Variants in SUPT3H observed in about 807,000 individuals in gnomAD.
SUPT3H encodes the protein SPT3 homolog, SAGA and STAGA complex component.
A neutral mutation model predicts 44.3 loss-of-function variants in SUPT3H; 44 were observed. The ratio of observed to expected loss-of-function variants is 0.99; its 90% confidence interval spans 0.78 to 1.28. SUPT3H has a LOEUF of 1.28. Ranked by LOEUF, SUPT3H falls within the 50% of genes most tolerant of loss-of-function variation. SUPT3H has a pLI of 0.00. For synonymous variants in SUPT3H, 124 were observed against 125.6 expected, an observed-to-expected ratio of 0.99 and a Z score of 0.09; for missense variants, 380 against 387.1, an observed-to-expected ratio of 0.98 and a Z score of 0.15.
At chr6:45,150,195 A>G (rs755660005) in intron 2 of SUPT3H, among the ~76,000 whole-genome samples, 3 of 152,172 alleles carry the variant, frequency 2.0e-5, no homozygotes, top group Non-Finnish European at 2.9e-5. Context: ...ATTAGGATAT[A>G]AGAAAATTAT....
chr6:44,820,060 CA>C (rs1337967663), intron 11 of SUPT3H, among the ~76,000 whole-genome samples: 3 of 150,386 alleles, frequency 2.0e-5, no homozygotes, highest in Non-Finnish European at 4.4e-5. Context: ...CTGTCTCTAC[CA>C]AAAAAATATT....
chr6:45,344,009 T>A (rs1790349551), intron 2 of SUPT3H, among the ~76,000 whole-genome samples: 1 of 152,152 alleles, frequency 6.6e-6, no homozygotes, highest in Admixed American at 6.5e-5. Flanking sequence ...TATTCCTGTC[T>A]TTTTTCCTCT....
chr6:44,848,242 T>C (rs1380337616), intron 10 of SUPT3H, among the ~76,000 whole-genome samples: 2 of 152,086 alleles, frequency 1.3e-5, no homozygotes, highest in Non-Finnish European at 2.9e-5. Context: ...AGTGCTAGGA[T>C]TACAGGAGTG....
At chr6:44,987,949 A>T (rs536781717) in intron 6 of SUPT3H, among the ~76,000 whole-genome samples, 1 of 152,216 alleles carries the variant, frequency 6.6e-6, no homozygotes, top group East Asian at 1.9e-4. Flanking sequence ...ACACTAGGGA[A>T]TGTTCTAGGA....
intron 2 of SUPT3H, among the ~76,000 whole-genome samples, chr6:45,275,680 C>G (rs1776900917): frequency 6.6e-6 from 1 of 152,020 alleles, no homozygotes; most frequent in Non-Finnish European, 1.5e-5. Context: ...CATAGCATTT[C>G]CTAGTTCTCA....
chr6:45,008,191 C>A lies in SUPT3H; in HGVS notation c.365-4399G>T, dbSNP rs373214720. Among the ~76,000 whole-genome samples the A allele has an allele frequency of 1.1e-3, 171 of 152,206 alleles. 4 individuals carry two copies. The South Asian group carries it at 0.033, about 30-fold the overall frequency. On this transcript the variant is annotated intron_variant, in intron 5 of 10. Transcript: ENST00000371459. Reference sequence around the variant, plus strand: ...TATTTTCATTTATCTTATTCCACTTCTTTTGCTAGGAATGGAATTTCTGGT... The same window carrying A: ...TATTTTCATTTATCTTATTCCACTTATTTTGCTAGGAATGGAATTTCTGGT...
At chr6:44,869,725 T>C (rs1212166174) in intron 10 of SUPT3H, among the ~76,000 whole-genome samples, 1 of 152,160 alleles carries the variant, frequency 6.6e-6, no homozygotes, top group Non-Finnish European at 1.5e-5. Context: ...CCGGAAGATA[T>C]AGCATAATTA....
At chr6:44,878,330 C>T (rs578012491) in intron 10 of SUPT3H, among the ~76,000 whole-genome samples, 3 of 152,180 alleles carry the variant, frequency 2.0e-5, no homozygotes, top group Admixed American at 6.5e-5. Context: ...GTATTTGTAA[C>T]GTTTAATGGA....
intron 2 of SUPT3H, among the ~76,000 whole-genome samples, chr6:45,152,920 C>G (rs991010178): frequency 1.3e-5 from 2 of 152,146 alleles, no homozygotes; most frequent in African/African-American, 4.8e-5. Context: ...CTTCTTTGCC[C>G]TCATCTATAT....
intron 10 of SUPT3H, among the ~76,000 whole-genome samples, chr6:44,878,331 G>A (rs1038376726): frequency 2.0e-5 from 3 of 152,128 alleles, no homozygotes; most frequent in Non-Finnish European, 2.9e-5. Context: ...TATTTGTAAC[G>A]TTTAATGGAA....
intron 2 of SUPT3H, among the ~76,000 whole-genome samples, chr6:45,266,391 C>T (rs1775272345): frequency 6.6e-6 from 1 of 151,758 alleles, no homozygotes; most frequent in African/African-American, 2.4e-5. Context: ...TGATACTTAA[C>T]CTCAAACAAC....
At chr6:44,988,420 T>C (rs904657998) in intron 6 of SUPT3H, among the ~76,000 whole-genome samples, 4 of 150,226 alleles carry the variant, frequency 2.7e-5, no homozygotes, top group African/African-American at 7.3e-5. Context: ...CACCCAGCCA[T>C]TTGGAAAATA....
At chr6:45,079,434 G>A (rs150164211) in intron 3 of SUPT3H, among the ~76,000 whole-genome samples, 1 of 91,970 alleles carries the variant, frequency 1.1e-5, no homozygotes, top group African/African-American at 3.1e-5. Context: ...GGGGGAAGAG[G>A]AGGAAGAAGA....
chr6:44,825,787 T>A (rs1190453501), downstream of SUPT3H, among the ~76,000 whole-genome samples: 1 of 152,174 alleles, frequency 6.6e-6, no homozygotes, highest in Non-Finnish European at 1.5e-5. Flanking sequence ...CCTTGCCTCC[T>A]TCTTTTTTTC....
intron 2 of SUPT3H, among the ~76,000 whole-genome samples, chr6:45,238,465 T>C (rs1185929626): frequency 6.6e-6 from 1 of 152,162 alleles, no homozygotes; most frequent in Non-Finnish European, 1.5e-5. Context: ...TTTCTACCCT[T>C]AGAGGAGATC....
At chr6:44,886,760 C>G (rs1029191742) in intron 10 of SUPT3H, among the ~76,000 whole-genome samples, 3 of 152,064 alleles carry the variant, frequency 2.0e-5, no homozygotes, top group East Asian at 3.9e-4. Context: ...CAAATTCACA[C>G]ATAACAATAT....
intron 10 of SUPT3H, among the ~76,000 whole-genome samples, chr6:44,888,010 A>C (rs1225880213): frequency 2.0e-5 from 3 of 152,198 alleles, no homozygotes; most frequent in Non-Finnish European, 2.9e-5. Context: ...AATAAACTAG[A>C]AAATCTAGAA....
intron 10 of SUPT3H, among the ~76,000 whole-genome samples, chr6:44,919,998 C>A (rs1768418555): frequency 6.6e-6 from 1 of 152,094 alleles, no homozygotes; most frequent in Admixed American, 6.5e-5. Flanking sequence ...CCTGCCTCAG[C>A]CTCCCGAGTA....
At chr6:45,376,679 A>G (rs1796821657) in intron 1 of SUPT3H, among the ~76,000 whole-genome samples, 2 of 152,192 alleles carry the variant, frequency 1.3e-5, no homozygotes, top group Admixed American at 1.3e-4. Flanking sequence ...CCATTCTTGC[A>G]AAGTACTCTC....
Sources: gnomAD v4.1 joint callset for allele counts (sites outside exome capture counted in the v4.1 genomes callset) on GRCh38, gnomAD v4.1.1 for gene constraint, MANE v1.5 for transcripts, NCBI Gene and HGNC (gene_info 2026-07-23, HGNC 2026-07-21) for gene names.